Variants in TLL2 observed in about 807,000 individuals in gnomAD.
TLL2 encodes the protein tolloid like 2.
A neutral mutation model predicts 123.0 loss-of-function variants in TLL2; 106 were observed. The ratio of observed to expected loss-of-function variants is 0.86; its 90% confidence interval spans 0.74 to 1.01. TLL2 has a LOEUF of 1.01. Ranked by LOEUF, TLL2 falls within the 50% of genes least tolerant of loss-of-function variation. TLL2 has a pLI of 0.00. For synonymous variants in TLL2, 494 were observed against 516.8 expected (o/e 0.96, Z 0.60); for missense variants, 1,332 against 1,336.7 (o/e 1.00, Z 0.06).
intron 20 of TLL2, among the ~76,000 whole-genome samples, chr10:96,369,542 CTT>C (rs1423555779): frequency 6.6e-6 from 1 of 152,148 alleles, no homozygotes; most frequent in Non-Finnish European, 1.5e-5. Flanking sequence ...AGGTGGATCA[CTT>C]GAGGTCAGGA....
rs1285354320 is a variant in TLL2 at position 96,476,248 on chromosome 10, T to TTTTTGTTGTTG, written c.286+4100_286+4101insCAACAACAAAA. ...TATATATATATATATATATTTTATT[T>TTTTTGTTGTTG]TTGTTGTTGTTGTTGTTGTTGAGAC... On this transcript the variant is annotated intron_variant, in intron 2 of 20. Coordinates refer to ENST00000357947, the MANE Select transcript of TLL2 (RefSeq NM_012465.4). Among the ~76,000 whole-genome samples, 303 of 69,238 alleles carry TTTTTGTTGTTG rather than the reference T, an allele frequency of 4.4e-3. 19 individuals are homozygous for TTTTTGTTGTTG. The highest frequency in any genetic ancestry group is 0.017 in the Middle Eastern group (2 of 118). 45.4% of individuals were successfully genotyped at this position (69,238 alleles called of 152,430 possible). A position where few individuals can be genotyped will look rare whatever the true frequency, so the allele number is the denominator to read the frequency against.
At chr10:96,452,712 C>T (rs898742884) in intron 2 of TLL2, among the ~76,000 whole-genome samples, 5 of 152,298 alleles carry the variant, frequency 3.3e-5, no homozygotes, top group African/African-American at 7.2e-5. Flanking sequence ...CTACCCTAGA[C>T]GGGTACAGGT....
chr10:96,382,716 C>A (rs373141120), intron 16 of TLL2, among the ~76,000 whole-genome samples: 21 of 152,242 alleles, frequency 1.4e-4, no homozygotes, highest in African/African-American at 1.2e-4. Context: ...TATGACACAG[C>A]AAGAAGGCAT....
chr10:96,378,907 G>A, intron 17 of TLL2, 60 bp downstream of exon 17: 1 of 1,601,174 alleles, frequency 6.2e-7, no homozygotes. Context: ...CATGCACACA[G>A]GGGCATGGGG....
intron 1 of TLL2, among the ~76,000 whole-genome samples, chr10:96,485,146 A>G (rs11597763): frequency 0.18 from 27,234 of 152,214 alleles, 2,663 homozygotes; most frequent in East Asian, 0.29. Context: ...AAGTGAATCA[A>G]TGACCTAAAT....
chr10:96,459,593 C>T (rs143810496), intron 2 of TLL2, among the ~76,000 whole-genome samples: 1 of 137,548 alleles, frequency 7.3e-6, no homozygotes. Context: ...TCACGTGAAT[C>T]TGTGAGGCGG....
chr10:96,467,639 G>A (rs1194835206), intron 2 of TLL2, among the ~76,000 whole-genome samples: 1 of 152,114 alleles, frequency 6.6e-6, no homozygotes, highest in Non-Finnish European at 1.5e-5. Context: ...AAATGTATTG[G>A]AGGCTACATA....
intron 20 of TLL2, among the ~76,000 whole-genome samples, chr10:96,369,718 G>C (rs1258006095): frequency 1.3e-5 from 2 of 148,740 alleles, no homozygotes. Context: ...CCGAGATCCA[G>C]CCTGGGCGAC....
chr10:96,474,298 A>G (rs781130928), intron 2 of TLL2, among the ~76,000 whole-genome samples: 1 of 152,190 alleles, frequency 6.6e-6, no homozygotes, highest in Admixed American at 6.5e-5. Context: ...GGGGAGAAAT[A>G]GCAGTTCTCT....
intron 2 of TLL2, among the ~76,000 whole-genome samples, chr10:96,460,667 C>T (rs907192855): frequency 2.6e-5 from 4 of 152,190 alleles, no homozygotes; most frequent in Admixed American, 6.5e-5. Flanking sequence ...GTTTTCTCTT[C>T]GCCTTCCTTG....
intron 18 of TLL2, among the ~76,000 whole-genome samples, chr10:96,374,974 G>A (rs113348540): frequency 8.4e-6 from 1 of 119,532 alleles, no homozygotes; most frequent in Non-Finnish European, 1.8e-5. Context: ...GGGGGGGGGG[G>A]GGGTGTCAAT....
chr10:96,487,877 T>C (rs967682464), intron 1 of TLL2, among the ~76,000 whole-genome samples: 2 of 152,106 alleles, frequency 1.3e-5, no homozygotes, highest in Non-Finnish European at 2.9e-5. Flanking sequence ...CAGGCTCCCA[T>C]GTACATTTCA....
chr10:96,403,524 A>G (rs1049348506), intron 10 of TLL2, among the ~76,000 whole-genome samples: 10 of 152,202 alleles, frequency 6.6e-5, no homozygotes, highest in African/African-American at 1.2e-4. Flanking sequence ...AAATGTTTAC[A>G]AGCAGTATAC....
At chr10:96,391,774 G>A (rs182885664) in intron 13 of TLL2, among the ~76,000 whole-genome samples, 10 of 152,184 alleles carry the variant, frequency 6.6e-5, no homozygotes, top group African/African-American at 2.2e-4. Flanking sequence ...AAGATTCATG[G>A]TCAAGGTCAA....
At chr10:96,428,591 G>A (rs772275125) in intron 5 of TLL2, 40 bp downstream of exon 5, 16 of 1,327,344 alleles carry the variant, frequency 1.2e-5, no homozygotes, top group Middle Eastern at 1.8e-4. Context: ...TGAGCCATCC[G>A]ACTGATTCTG....
intron 3 of TLL2, among the ~76,000 whole-genome samples, chr10:96,444,609 G>A (rs1846878291): frequency 6.6e-6 from 1 of 152,094 alleles, no homozygotes. Context: ...AAATATGAAG[G>A]CTGTATACAA....
At chr10:96,513,485 G>T (rs1393745459) in intron 1 of TLL2, 26 bp downstream of exon 1, 1 of 1,611,380 alleles carries the variant, frequency 6.2e-7, no homozygotes, top group Admixed American at 1.7e-5. Context: ...AAACTTCTGC[G>T]GGACTTCCCC....
intron 6 of TLL2, 34 bp downstream of exon 6, chr10:96,422,515 C>G (rs373157809): frequency 6.2e-7 from 1 of 1,611,338 alleles, no homozygotes; most frequent in Non-Finnish European, 8.5e-7. Flanking sequence ...CCTTCTCGAC[C>G]GGTGCCTTCC....
rs185637035 is a variant in TLL2, at chr10:96,431,139, G to T, written c.520+1668C>A. On this transcript the variant is annotated intron_variant, in intron 4 of 20. Transcript: ENST00000357947. ...TCAGAAAAGCACACCAGATCTGAAA[G>T]AACACAGTTAGGATACCAAGGAACA... Among the ~76,000 whole-genome samples the T allele has an allele frequency of 2.9e-3, 434 of 152,280 alleles. 2 individuals are homozygous for T. The highest frequency in any genetic ancestry group is 7.5e-3 in the African/African-American group (310 of 41,554).
Sources: gnomAD v4.1 joint callset for allele counts (sites outside exome capture counted in the v4.1 genomes callset) on GRCh38, gnomAD v4.1.1 for gene constraint, MANE v1.5 for transcripts, NCBI Gene and HGNC (gene_info 2026-07-23, HGNC 2026-07-21) for gene names.